CHN2: variants seen among roughly 807,000 people sequenced by gnomAD.
The protein encoded by CHN2 is chimerin 2.
In CHN2, 35 loss-of-function variants were observed where a neutral mutation model predicts 56.3. The ratio of observed to expected loss-of-function variants is 0.62; its 90% CI spans 0.47 to 0.82. The LOEUF (loss-of-function observed/expected upper bound fraction) is 0.82. Ranked by LOEUF, CHN2 falls within the 40% of genes least tolerant of loss-of-function variation. The probability of loss-of-function intolerance (pLI) is 0.00; values close to 1 mark genes in which losing one functional copy is unlikely to be tolerated. For missense variants in CHN2, 491 were observed against 580.5 expected (o/e 0.85, Z 1.58); for synonymous variants, 210 against 212.8 (o/e 0.99, Z 0.12).
chr7:29,377,603 G>T (rs142691647), intron 3 of CHN2, among the ~76,000 whole-genome samples: 2 of 152,216 alleles, frequency 1.3e-5, no homozygotes, highest in African/African-American at 4.8e-5. Flanking sequence ...CTCAATTCAG[G>T]ATTTTAGATA....
intron 5 of CHN2, 26 bp from the exon 6 acceptor site, chr7:29,400,517 G>A (rs1802119677): frequency 1.9e-6 from 3 of 1,609,664 alleles, no homozygotes; most frequent in South Asian, 1.1e-5. Context: ...TAACGTGGTT[G>A]TAATCCCTCA....
chr7:29,236,075 C>G (rs1787175148), intron 1 of CHN2, among the ~76,000 whole-genome samples: 1 of 152,210 alleles, frequency 6.6e-6, no homozygotes, highest in African/African-American at 2.4e-5. Flanking sequence ...CAGATACCCT[C>G]TGGAGGTATG....
intron 2 of CHN2, among the ~76,000 whole-genome samples, chr7:29,366,257 G>T (rs953457919): frequency 1.3e-5 from 2 of 151,888 alleles, no homozygotes; most frequent in African/African-American, 4.9e-5. Context: ...TAAATGAAGC[G>T]TTAGGGGTGG....
intron 11 of CHN2, among the ~76,000 whole-genome samples, chr7:29,508,764 G>A (rs1447249450): frequency 6.6e-6 from 1 of 152,192 alleles, no homozygotes. Flanking sequence ...CCTGGGCTGT[G>A]CACCGGGGTT....
At chr7:29,321,528 A>G (rs1238665153) in intron 1 of CHN2, among the ~76,000 whole-genome samples, 1 of 151,344 alleles carries the variant, frequency 6.6e-6, no homozygotes, top group Non-Finnish European at 1.5e-5. Context: ...AATTTCAGGG[A>G]CAGTGCTTGA....
intron 1 of CHN2, among the ~76,000 whole-genome samples, chr7:29,217,904 G>C (rs1178264267): frequency 6.6e-6 from 1 of 152,102 alleles, no homozygotes; most frequent in African/African-American, 2.4e-5. Flanking sequence ...AAGGAACTGA[G>C]AGTAGAGCAG....
At chr7:29,205,377 C>A (rs922170364) in intron 1 of CHN2, among the ~76,000 whole-genome samples, 1 of 152,154 alleles carries the variant, frequency 6.6e-6, no homozygotes, top group African/African-American at 2.4e-5. Flanking sequence ...GGATCTGGTC[C>A]AAACACCAGC....
At chr7:29,251,001 C>T (rs1252754935) in intron 1 of CHN2, among the ~76,000 whole-genome samples, 2 of 152,220 alleles carry the variant, frequency 1.3e-5, no homozygotes, top group Non-Finnish European at 2.9e-5. Flanking sequence ...TGAGCCACTG[C>T]ACCCAGCTTG....
At chr7:29,457,377 A>G (rs1034272107) in intron 6 of CHN2, among the ~76,000 whole-genome samples, 1 of 152,072 alleles carries the variant, frequency 6.6e-6, no homozygotes, top group Admixed American at 6.5e-5. Context: ...TGTTCCTTGC[A>G]TTGTCATCAG....
chr7:29,442,260 A>T (rs1189272778), intron 6 of CHN2, among the ~76,000 whole-genome samples: 3 of 152,186 alleles, frequency 2.0e-5, no homozygotes, highest in African/African-American at 7.2e-5. Flanking sequence ...TATTAGTTGT[A>T]ACTCCCCATC....
At chr7:29,325,874 A>G (rs1436704582) in intron 1 of CHN2, among the ~76,000 whole-genome samples, 2 of 152,202 alleles carry the variant, frequency 1.3e-5, no homozygotes, top group Non-Finnish European at 2.9e-5. Context: ...TAGCTGAAAA[A>G]AACTTGAATT....
chr7:29,266,084 G>A (rs895393910), intron 1 of CHN2, among the ~76,000 whole-genome samples: 2 of 152,146 alleles, frequency 1.3e-5, no homozygotes, highest in African/African-American at 2.4e-5. Context: ...CATCCTGCCC[G>A]AATGGCTGTC....
chr7:29,429,973 GCACGCTGTTC>G (rs942059641), intron 6 of CHN2, among the ~76,000 whole-genome samples: 8 of 152,192 alleles, frequency 5.3e-5, no homozygotes, highest in African/African-American at 1.9e-4. Flanking sequence ...AAGAATAGAA[GCACGCTGTTC>G]CAAGGAGAAA....
At chr7:29,391,474 G>A (rs1801366978) in intron 3 of CHN2, among the ~76,000 whole-genome samples, 1 of 152,134 alleles carries the variant, frequency 6.6e-6, no homozygotes. Flanking sequence ...AAGGAATCAT[G>A]TATTAGTATA....
intron 1 of CHN2, among the ~76,000 whole-genome samples, chr7:29,229,340 T>C (rs1391416984): frequency 2.0e-5 from 3 of 152,164 alleles, no homozygotes; most frequent in African/African-American, 7.2e-5. Context: ...TATTATACAC[T>C]TGGATTACAA....
At chr7:29,348,746 TAGTC>T (rs1250800259) in intron 1 of CHN2, among the ~76,000 whole-genome samples, 5 of 152,206 alleles carry the variant, frequency 3.3e-5, no homozygotes, top group Non-Finnish European at 5.9e-5. Flanking sequence ...GTGATTTATT[TAGTC>T]AGTGTACTTT....
At chr7:29,146,857 T>G (rs1343056927) in exon 2 of CHN2, 2 of 1,551,152 alleles carry the variant, frequency 1.3e-6, no homozygotes, top group East Asian at 4.9e-5. Context: ...AGGACTTACT[T>G]GCAAGCCCAG....
chr7:29,245,421 A>C (rs1036724181), intron 1 of CHN2, among the ~76,000 whole-genome samples: 2 of 152,230 alleles, frequency 1.3e-5, no homozygotes, highest in Non-Finnish European at 2.9e-5. Context: ...TATCTTTTGA[A>C]TTTGGGCAAA....
rs545198730 is a variant in CHN2 at position 29,168,931 on chromosome 7, G to A, written c.274+21971G>A. 4.6e-5 allele frequency among the ~76,000 whole-genome samples: 7 copies of A among 152,226 alleles called. 1 individual carries two copies. The South Asian group carries it at 1.5e-3, about 32-fold the overall frequency. On this transcript the variant is annotated intron_variant, in intron 2 of 6. Transcript: ENST00000439384. ...ACTATTTCTATTCGCCATGTTTTAA[G>A]TAATACCCAGCCCAATGTGATTCAA... is the stretch of plus-strand genomic sequence containing the variant.
Sources: gnomAD v4.1 joint callset for allele counts (sites outside exome capture counted in the v4.1 genomes callset) on GRCh38, gnomAD v4.1.1 for gene constraint, MANE v1.5 for transcripts, NCBI Gene and HGNC (gene_info 2026-07-23, HGNC 2026-07-21) for gene names.